SMCO1: variants seen among roughly 807,000 people sequenced by gnomAD.
SMCO1 encodes single-pass membrane and coiled-coil domain-containing protein 1.
In SMCO1, 9 loss-of-function variants were observed where a neutral mutation model predicts 7.5. The ratio of observed to expected loss-of-function variants is 1.20; its 90% CI spans 0.72 to 2.09. The LOEUF is 2.09. SMCO1 is among the 30% of genes most tolerant of loss of function. The pLI, the probability that SMCO1 is intolerant of heterozygous loss-of-function variation, is 0.00. For synonymous variants in SMCO1, 90 were observed against 93.8 expected (o/e 0.96, Z 0.23); for missense variants, 219 against 253.1 (o/e 0.87, Z 0.91).
chr3:196,512,719 G>T (rs375701964), intron 1 of SMCO1, among the ~76,000 whole-genome samples: 14 of 151,894 alleles, frequency 9.2e-5, no homozygotes, highest in African/African-American at 3.4e-4. Flanking sequence ...TGTTGGCCAG[G>T]CTGGTCTCGA....
At chr3:196,512,668 C>T (rs1260510734) in intron 1 of SMCO1, among the ~76,000 whole-genome samples, 3 of 151,868 alleles carry the variant, frequency 2.0e-5, no homozygotes, top group East Asian at 1.9e-4. Context: ...CCACCACATC[C>T]GGCTAATTTT....
At chr3:196,509,839 T>G (rs1003478490) in intron 1 of SMCO1, among the ~76,000 whole-genome samples, 170 bp from the exon 2 acceptor site, 3 of 152,170 alleles carry the variant, frequency 2.0e-5, no homozygotes, top group Admixed American at 2.0e-4. Flanking sequence ...TATTTGAATT[T>G]GAAAGTTTCA....
At chr3:196,518,889 T>C (rs1733441760), upstream of SMCO1, among the ~76,000 whole-genome samples, 1 of 152,122 alleles carries the variant, frequency 6.6e-6, no homozygotes, top group African/African-American at 2.4e-5. Flanking sequence ...TACCCATGGG[T>C]CACTGGGCAC....
chr3:196,519,965 C>T (rs1166078170), upstream of SMCO1, among the ~76,000 whole-genome samples: 1 of 152,160 alleles, frequency 6.6e-6, no homozygotes, highest in Non-Finnish European at 1.5e-5. Flanking sequence ...TCTTCTTCTC[C>T]ACCCTGGGTC....
chr3:196,511,842 G>A (rs1359795710), intron 1 of SMCO1, among the ~76,000 whole-genome samples: 3 of 137,050 alleles, frequency 2.2e-5, no homozygotes, highest in Non-Finnish European at 1.5e-5. Flanking sequence ...GTTGTTATGA[G>A]GGAAACCTGC....
chr3:196,520,294 A>T (rs1240478866), upstream of SMCO1, among the ~76,000 whole-genome samples: 1 of 152,150 alleles, frequency 6.6e-6, no homozygotes, highest in Non-Finnish European at 1.5e-5. Flanking sequence ...CTGTGAGACA[A>T]CCCAGATCTT....
intron 1 of SMCO1, among the ~76,000 whole-genome samples, chr3:196,511,798 G>A (rs373581831): frequency 1.2e-5 from 1 of 80,530 alleles, no homozygotes; most frequent in African/African-American, 5.9e-5. Flanking sequence ...CTAGATTGTC[G>A]TTATGAGGGA....
intron 2 of SMCO1, among the ~76,000 whole-genome samples, chr3:196,509,175 G>A (rs1272639270): frequency 2.0e-5 from 3 of 147,566 alleles, no homozygotes; most frequent in South Asian, 2.2e-4. Flanking sequence ...TCAGCCTCCC[G>A]AGTAGTTGGG....
upstream of SMCO1, among the ~76,000 whole-genome samples, chr3:196,516,313 G>A (rs550581368): frequency 3.0e-4 from 45 of 151,766 alleles, no homozygotes; most frequent in Middle Eastern, 3.4e-3. Flanking sequence ...GGGTCCTTGG[G>A]GAGATATTCA....
At chr3:196,513,262 C>G (rs1733296722) in intron 1 of SMCO1, among the ~76,000 whole-genome samples, 1 of 151,114 alleles carries the variant, frequency 6.6e-6, no homozygotes. Flanking sequence ...CCCAGGAGTT[C>G]AAAGCTGCAG....
chr3:196,507,908 C>T lies in SMCO1; in HGVS notation c.624G>A (p.Leu208=), dbSNP rs1733090847. Reference sequence around the variant, plus strand: ...CAGGTTAGTTTTTGACAGATGGTATCAACTCTTCGAGGGATGACTTTTGCT... The same window carrying T: ...CAGGTTAGTTTTTGACAGATGGTATTAACTCTTCGAGGGATGACTTTTGCT... ...PEKQKSSLEE[L]IPSVKN Residue 208 remains leucine, a synonymous_variant, in exon 3 of 3, where the codon TTG becomes TTA. Transcript: ENST00000397537. 2 of 1,611,668 alleles carry T rather than the reference C, an allele frequency of 1.2e-6. No individual in the cohort carries two copies. The highest frequency in any genetic ancestry group is 1.1e-5 in the South Asian group (1 of 90,812).
In SMCO1 at chr3:196,515,185, T is replaced by C; in HGVS notation, c.25A>G (p.Ile9Val). MNNETTTL[I>V]SLKEAMKRVD... ...CTTTTCATTGCCTCCTTCAAGGATATCAGGGTTGTGGTTTCATTGTTCATC... is the reference window on the plus strand; with the variant it reads ...CTTTTCATTGCCTCCTTCAAGGATACCAGGGTTGTGGTTTCATTGTTCATC... Residue 9 changes from isoleucine (I) to valine (V), a missense_variant, in exon 1 of 3, where the codon ATA becomes GTA. Coordinates refer to ENST00000397537, the MANE Select transcript of SMCO1 (RefSeq NM_001077657.3). The C allele has an allele frequency of 7.4e-6, 12 of 1,614,010 alleles. No individual in the cohort carries two copies. The highest frequency in any genetic ancestry group is 1.0e-5 in the Non-Finnish European group (12 of 1,179,860).
intron 1 of SMCO1, 22 bp downstream of exon 1, chr3:196,515,138 C>A: frequency 6.2e-7 from 1 of 1,613,432 alleles, no homozygotes; most frequent in African/African-American, 1.3e-5. Flanking sequence ...ATGCTTGCTC[C>A]CTCCCTATAG....
chr3:196,511,343 A>C (rs1237262604), intron 1 of SMCO1, among the ~76,000 whole-genome samples: 6 of 118,944 alleles, frequency 5.0e-5, no homozygotes, highest in Admixed American at 2.0e-4. Context: ...GCCTGCGCCA[A>C]GTAGATTGTT....
chr3:196,508,846 A>T (rs927004987), intron 2 of SMCO1, among the ~76,000 whole-genome samples: 5 of 146,468 alleles, frequency 3.4e-5, no homozygotes, highest in African/African-American at 1.3e-4. Context: ...CTGAGGCAGG[A>T]GAATGGCGTG....
upstream of SMCO1, among the ~76,000 whole-genome samples, chr3:196,518,822 C>T (rs938649788): frequency 1.3e-5 from 2 of 152,204 alleles, no homozygotes; most frequent in African/African-American, 2.4e-5. Context: ...AGTGTGGCTG[C>T]CATTCTTAGA....
chr3:196,509,174 C>G (rs1339824699), intron 2 of SMCO1, among the ~76,000 whole-genome samples: 1 of 149,008 alleles, frequency 6.7e-6, no homozygotes, highest in Non-Finnish European at 1.5e-5. Flanking sequence ...CTCAGCCTCC[C>G]GAGTAGTTGG....
At chr3:196,508,938 AAAAAAAAAAAAAAAAG>A (rs1302663839) in intron 2 of SMCO1, among the ~76,000 whole-genome samples, 1 of 128,060 alleles carries the variant, frequency 7.8e-6, no homozygotes, top group African/African-American at 3.8e-5. Flanking sequence ...CTCCATCTCA[AAAAAAAAAAAAAAAAG>A]AAAAAAAAAT....
upstream of SMCO1, among the ~76,000 whole-genome samples, chr3:196,517,395 C>T (rs1733413675): frequency 6.6e-6 from 1 of 152,038 alleles, no homozygotes; most frequent in African/African-American, 2.4e-5. Flanking sequence ...CCCCCACCCA[C>T]CAACCTCTAG....
Sources: allele counts gnomAD v4.1 joint callset (sites outside exome capture counted in the v4.1 genomes callset), GRCh38; gene constraint gnomAD v4.1.1; transcripts MANE v1.5; gene names NCBI Gene and HGNC (gene_info 2026-07-23, HGNC 2026-07-21).